NBPF9: variants seen among roughly 807,000 people sequenced by gnomAD.
NBPF9 encodes NBPF member 9.
In NBPF9, 91 loss-of-function variants were observed where a neutral mutation model predicts 97.8. The ratio of observed to expected loss-of-function variants is 0.93; its 90% confidence interval spans 0.79 to 1.11. The LOEUF (loss-of-function observed/expected upper bound fraction) is 1.11. Among genes scored for constraint, NBPF9 ranks in the 50% least tolerant of loss-of-function variants. The probability of loss-of-function intolerance (pLI) is 0.00; values close to 1 mark genes in which losing one functional copy is unlikely to be tolerated. For synonymous variants in NBPF9, 334 were observed against 359.5 expected, an observed-to-expected ratio of 0.93 and a Z score of 0.80; for missense variants, 992 against 939.5, an observed-to-expected ratio of 1.06 and a Z score of -0.73.
chr1:149,059,906 C>A, intron 24 of NBPF9, 98 bp from the exon 25 acceptor site: 2 of 470,594 alleles, frequency 4.2e-6, no homozygotes, highest in Non-Finnish European at 7.7e-6. Context: ...TCAGGCTCCT[C>A]AGCATAAGAA....
chr1:149,075,930 G>T (rs2079828192), intron 11 of NBPF9, 66 bp from the exon 12 acceptor site: 5 of 970,118 alleles, frequency 5.2e-6, no homozygotes, highest in Non-Finnish European at 8.4e-6. Context: ...GCTTAATCAG[G>T]ACTGAGGGAT....
intron 9 of NBPF9, 29 bp downstream of exon 9, chr1:149,078,978 T>G (rs1463348911): frequency 5.8e-6 from 6 of 1,030,582 alleles, no homozygotes; most frequent in South Asian, 5.4e-5. Context: ...CCTGGGGTTT[T>G]GGGTCATCAG....
intron 4 of NBPF9, among the ~76,000 whole-genome samples, chr1:149,097,130 G>T (rs1243535742): frequency 1.8e-4 from 27 of 150,500 alleles, no homozygotes; most frequent in South Asian, 4.3e-4. Flanking sequence ...AGGAGGGAGG[G>T]AAAGAATAAA....
chr1:149,079,031 G>A (rs1204064358), exon 9 of NBPF9: 1 of 1,522,678 alleles, frequency 6.6e-7, no homozygotes, highest in Non-Finnish European at 9.0e-7. Context: ...TGGACAAGGT[G>A]CTGTGCCAGT....
In NBPF9 at chr1:149,072,929, T is replaced by C. The variant is rs782065121; in HGVS notation, c.1095A>G (p.Gln365=). The C allele has an allele frequency of 2.1e-5, 34 of 1,606,674 alleles. 2 individuals carry two copies. The highest frequency in any genetic ancestry group is 2.7e-5 in the Non-Finnish European group (32 of 1,175,668). ...CCTGAGCGTGAACCAGGACTTTATATTGCCTAAGGTGAGATGGTAGAGAAA... is the reference window on the plus strand; with the variant it reads ...CCTGAGCGTGAACCAGGACTTTATACTGCCTAAGGTGAGATGGTAGAGAAA... The change falls in exon 14 of 30, where the codon CAA becomes CAG. Residue 365 remains glutamine (Q), a synonymous_variant. Transcript: ENST00000584027.
chr1:149,087,625 C>A (rs2081117875), intron 5 of NBPF9, among the ~76,000 whole-genome samples: 1 of 150,324 alleles, frequency 6.7e-6, no homozygotes, highest in Non-Finnish European at 1.5e-5. Context: ...TTGTAAATTT[C>A]TACCAAAATG....
intron 10 of NBPF9, 33 bp from the exon 11 acceptor site, chr1:149,077,452 G>T (rs1553654836): frequency 6.2e-7 from 1 of 1,602,340 alleles, no homozygotes; most frequent in Non-Finnish European, 8.5e-7. Flanking sequence ...GATGACAGAA[G>T]ATTAAACACA....
At chr1:149,071,775 G>A (rs1306960822) in intron 14 of NBPF9, 99 bp from the exon 15 acceptor site, 3 of 711,724 alleles carry the variant, frequency 4.2e-6, no homozygotes, top group Non-Finnish European at 4.8e-6. Context: ...CTAGGCATGG[G>A]TCACCGTTCA....
intron 11 of NBPF9, among the ~76,000 whole-genome samples, chr1:149,076,170 T>C (rs1422420471): frequency 2.6e-5 from 4 of 151,850 alleles, no homozygotes; most frequent in Non-Finnish European, 4.4e-5. Context: ...GCACAAAAGA[T>C]TTCATTTTGC....
At chr1:149,065,210 C>T (rs1474162427) in intron 18 of NBPF9, 5 of 695,350 alleles carry the variant, frequency 7.2e-6, no homozygotes, top group Non-Finnish European at 1.3e-5. Context: ...ATGAGCTGAT[C>T]TGACAGACAA....
chr1:149,086,054 T>C (rs1553658380), intron 5 of NBPF9, among the ~76,000 whole-genome samples: 1 of 152,010 alleles, frequency 6.6e-6, no homozygotes, highest in Non-Finnish European at 1.5e-5. Context: ...AATTTTAAAA[T>C]CCATCTGTAA....
At chr1:149,075,956 G>A (rs1322749005) in intron 11 of NBPF9, 92 bp from the exon 12 acceptor site, 3 of 1,026,828 alleles carry the variant, frequency 2.9e-6, no homozygotes, top group Admixed American at 3.4e-5. Context: ...TGGCAGCCTT[G>A]TTTACTTATT....
intron 9 of NBPF9, 74 bp downstream of exon 9, chr1:149,078,933 T>C: frequency 6.5e-7 from 1 of 1,547,568 alleles, no homozygotes; most frequent in Non-Finnish European, 8.9e-7. Flanking sequence ...ACAACTGTCA[T>C]TGTGAAAGTA....
At position 149,061,074 on chromosome 1, in the gene NBPF9, G is replaced by A. The variant is rs2078566717; in HGVS notation, c.2303+258C>T. ...AGCTCAATAATTTTCCATAAAATGT[G>A]CTCAAATTTCCATGCAGTCGCCATG... On this transcript the variant is annotated intron_variant, in intron 23 of 29. Coordinates refer to ENST00000584027, the Ensembl canonical transcript of NBPF9. 3.5e-5 allele frequency: 15 copies of A among 426,122 alleles called. 5 individuals are homozygous for A. The highest frequency in any genetic ancestry group is 6.1e-5 in the Non-Finnish European group (14 of 229,778). 26.4% of individuals were successfully genotyped at this position (426,122 alleles called of 1,614,324 possible).
chr1:149,097,905 CT>C (rs1350207846), intron 4 of NBPF9, among the ~76,000 whole-genome samples: 1 of 152,036 alleles, frequency 6.6e-6, no homozygotes, highest in Non-Finnish European at 1.5e-5. Flanking sequence ...AAAGTGGCCT[CT>C]CTTTTAACCC....
intron 11 of NBPF9, among the ~76,000 whole-genome samples, chr1:149,076,103 T>C (rs1209658814): frequency 2.0e-5 from 3 of 152,108 alleles, no homozygotes; most frequent in Admixed American, 6.6e-5. Context: ...TACGTTTCTA[T>C]AAAGCAAGGC....
In NBPF9 at chr1:149,061,206, G is replaced by A. The variant is rs1302310730; in HGVS notation, c.2303+126C>T. On this transcript the variant is annotated intron_variant, in intron 23 of 29. Coordinates refer to ENST00000584027, the Ensembl canonical transcript of NBPF9. The stretch of plus-strand genomic sequence containing the variant: ...TACTGCAATGAAAACCAACAGCAAT[G>A]TTAGTAGGAATAATTCAGGCTTGCT... The A allele has an allele frequency of 3.5e-5, 11 of 316,738 alleles. 1 individual carries two copies. The East Asian group carries it at 5.4e-4, about 15-fold the overall frequency. 19.6% of individuals were successfully genotyped at this position (316,738 alleles called of 1,614,324 possible).
At chr1:149,075,629 C>T (rs782255759) in intron 12 of NBPF9, 26 bp downstream of exon 12, 43 of 1,594,230 alleles carry the variant, frequency 2.7e-5, no homozygotes, top group African/African-American at 5.4e-5. Flanking sequence ...TCATCACTTT[C>T]GTGATGGTGA....
At chr1:149,068,431 G>C (rs1360086973) in intron 17 of NBPF9, among the ~76,000 whole-genome samples, 4 of 149,384 alleles carry the variant, frequency 2.7e-5, no homozygotes, top group Admixed American at 1.3e-4. Flanking sequence ...GATGGAGGAA[G>C]ATCTACCAAG....
Sources: allele counts gnomAD v4.1 joint callset (sites outside exome capture counted in the v4.1 genomes callset), GRCh38; gene constraint gnomAD v4.1.1; transcripts MANE v1.5; gene names NCBI Gene and HGNC (gene_info 2026-07-23, HGNC 2026-07-21).